The following AP3B1 variants were observed in gnomAD, a reference collection of about 807,000 sequenced individuals.
The protein encoded by AP3B1 is AP-3 complex subunit beta-1.
AP3B1 carries 61 observed loss-of-function variants against 132.5 expected under a neutral mutation model. That is an observed-to-expected ratio of 0.46 (90% CI 0.37 to 0.57). The LOEUF (loss-of-function observed/expected upper bound fraction) is 0.57, where lower values mean the gene tolerates loss of function less well. Ranked by LOEUF, AP3B1 falls within the 20% of genes least tolerant of loss-of-function variation. AP3B1 has a pLI of 0.00. For synonymous variants in AP3B1, 388 were observed against 438.3 expected (o/e 0.89, Z 1.43); for missense variants, 1,120 against 1,289.4 (o/e 0.87, Z 2.01).
intron 1 of AP3B1, among the ~76,000 whole-genome samples, chr5:78,279,141 T>A (rs549974207): frequency 2.7e-4 from 41 of 152,292 alleles, no homozygotes; most frequent in South Asian, 1.0e-3. Context: ...TTAATTTTTT[T>A]AAAAAATTTC....
chr5:78,236,364 AT>A (rs1348158554), intron 3 of AP3B1, among the ~76,000 whole-genome samples: 12 of 152,162 alleles, frequency 7.9e-5, no homozygotes, highest in South Asian at 4.1e-4. Context: ...AAGAAAAAAA[AT>A]ATGCCAATAC....
At chr5:78,030,603 A>G (rs909453831) in intron 24 of AP3B1, among the ~76,000 whole-genome samples, 1 of 152,112 alleles carries the variant, frequency 6.6e-6, no homozygotes, top group Non-Finnish European at 1.5e-5. Context: ...GATCTTTTTC[A>G]TAGTTTTTCA....
At chr5:78,157,747 G>A (rs574537684) in intron 13 of AP3B1, among the ~76,000 whole-genome samples, 1 of 149,214 alleles carries the variant, frequency 6.7e-6, no homozygotes, top group South Asian at 2.1e-4. Flanking sequence ...CATAATTTGT[G>A]TCCTATTACT....
At position 78,083,265 on chromosome 5, in the gene AP3B1, G is replaced by GACTC. The variant is rs753293048; in HGVS notation, c.2577+6127_2577+6128insGAGT. On this transcript the variant is annotated intron_variant, in intron 22 of 26. Transcript: ENST00000255194. Reference sequence around the variant, plus strand: ...AAAGGATGAGTCAAGGTTTCATGTTGATGTTTACCAGTTAAAGCAGAACAT... The same window carrying GACTC: ...AAAGGATGAGTCAAGGTTTCATGTTGACTCATGTTTACCAGTTAAAGCAGAACAT... Among the ~76,000 whole-genome samples the GACTC allele has an allele frequency of 4.6e-5, 7 of 152,276 alleles. No homozygotes were observed. In the South Asian group the frequency reaches 1.5e-3, roughly 32 times the overall value.
Position 78,020,787 on chromosome 5 carries a change from G to A in AP3B1, c.2897C>T (p.Thr966Ile), listed in dbSNP as rs369459422. Residue 966 changes from threonine to isoleucine, a missense_variant and splice_region_variant, in exon 25 of 27, where the codon ACC becomes ATC. Around this residue, in one of 3 missense-constraint regions of AP3B1, gnomAD observed 906 missense variants for 997.1 expected, o/e 0.91. Transcript: ENST00000255194. ...ATTAACATTGAAGCAATCATCCTTGGTACTGAAGAAAAACAATCAAAGCTG... is the reference window on the plus strand; with the variant it reads ...ATTAACATTGAAGCAATCATCCTTGATACTGAAGAAAAACAATCAAAGCTG... ...STQTASFQLC[T>I]KDDCFNVNIQ... is the part of the protein sequence containing the mutation. The A allele has an allele frequency of 6.2e-7, 1 of 1,609,272 alleles. No individual in the cohort carries two copies. Among genetic ancestry groups the A allele is most frequent in the African/African-American group, 1.3e-5 (1 of 74,762 alleles).
intron 17 of AP3B1, among the ~76,000 whole-genome samples, chr5:78,126,351 A>C (rs1254624139): frequency 6.6e-6 from 1 of 151,768 alleles, no homozygotes. Flanking sequence ...CTAAAAATAC[A>C]AAAATTAGCC....
Position 78,175,711 on chromosome 5 carries a change from A to G in AP3B1, c.1096-14T>C. On this transcript the variant is annotated splice_polypyrimidine_tract_variant and intron_variant, in intron 10 of 26. Transcript: ENST00000255194. ...TTCAAACATCCCCTGGATTACAAAA[A>G]TAAATACAAAAATACATTATGGTAC... 2.5e-6 allele frequency: 4 copies of G among 1,612,574 alleles called. No individual in the cohort carries two copies. Among genetic ancestry groups the G allele is most frequent in the Non-Finnish European group, 3.4e-6 (4 of 1,178,750 alleles).
In AP3B1 at chr5:78,079,497, T is replaced by C. The variant is rs1338716478; in HGVS notation, c.2577+9896A>G. Among the ~76,000 whole-genome samples the C allele has an allele frequency of 2.0e-5, 3 of 152,148 alleles. No individual in the cohort carries two copies. The East Asian group carries it at 5.8e-4, about 29-fold the overall frequency. ...ATGCAGTTCATTAATTAAATAATTC[T>C]AAGGAGTTTACCACATACGGTATAT... On this transcript the variant is annotated intron_variant, in intron 22 of 26. Coordinates refer to ENST00000255194, the MANE Select transcript of AP3B1 (RefSeq NM_003664.5).
chr5:78,179,645 C>T (rs1260157216), intron 8 of AP3B1, among the ~76,000 whole-genome samples: 3 of 152,190 alleles, frequency 2.0e-5, no homozygotes, highest in Non-Finnish European at 4.4e-5. Context: ...ATGCCGCTGT[C>T]ACCTTATTTA....
chr5:78,232,831 C>T (rs994470250), intron 3 of AP3B1, among the ~76,000 whole-genome samples: 8 of 152,038 alleles, frequency 5.3e-5, no homozygotes, highest in African/African-American at 9.6e-5. Context: ...CTCAGCCTCC[C>T]GAAAAGTTGG....
intron 25 of AP3B1, among the ~76,000 whole-genome samples, chr5:78,019,381 A>G (rs1008730072): frequency 6.6e-6 from 1 of 152,138 alleles, no homozygotes; most frequent in Non-Finnish European, 1.5e-5. Flanking sequence ...TGCTTCAGAT[A>G]TACTTTAGCT....
intron 1 of AP3B1, among the ~76,000 whole-genome samples, chr5:78,288,637 T>C (rs927982217): frequency 3.3e-5 from 5 of 152,176 alleles, no homozygotes; most frequent in African/African-American, 1.2e-4. Flanking sequence ...TTTAACAACA[T>C]TGGCTAATGA....
At chr5:78,240,606 G>A (rs1747087884) in intron 3 of AP3B1, among the ~76,000 whole-genome samples, 2 of 152,150 alleles carry the variant, frequency 1.3e-5, no homozygotes, top group Non-Finnish European at 2.9e-5. Flanking sequence ...CTAGGAACAG[G>A]TGAAAACTCG....
intron 7 of AP3B1, among the ~76,000 whole-genome samples, chr5:78,213,090 A>C (rs1007899149): frequency 6.6e-6 from 1 of 152,012 alleles, no homozygotes. Flanking sequence ...CGTGTTAGCC[A>C]GGATGGTCTT....
At chr5:78,219,691 T>C (rs1265942215) in intron 6 of AP3B1, among the ~76,000 whole-genome samples, 1 of 152,074 alleles carries the variant, frequency 6.6e-6, no homozygotes, top group Non-Finnish European at 1.5e-5. Context: ...AAAGCCATTC[T>C]ATTATATTTT....
intron 7 of AP3B1, among the ~76,000 whole-genome samples, chr5:78,207,026 G>A (rs989822653): frequency 6.6e-6 from 1 of 152,112 alleles, no homozygotes; most frequent in African/African-American, 2.4e-5. Flanking sequence ...GGGAGGCTGA[G>A]GCGGGTGGAT....
chr5:78,140,135 C>T (rs557394194), intron 15 of AP3B1, among the ~76,000 whole-genome samples: 1 of 152,108 alleles, frequency 6.6e-6, no homozygotes. Context: ...GGAAAAGTCC[C>T]TATTTCGTAC....
chr5:78,250,734 C>G (rs1039736787), intron 2 of AP3B1, among the ~76,000 whole-genome samples: 54 of 151,958 alleles, frequency 3.6e-4, no homozygotes, highest in African/African-American at 1.2e-3. Context: ...GGAAATATAT[C>G]TAACTCATAT....
At chr5:78,074,652 T>G (rs958819449) in intron 22 of AP3B1, among the ~76,000 whole-genome samples, 5 of 152,192 alleles carry the variant, frequency 3.3e-5, no homozygotes, top group African/African-American at 1.2e-4. Flanking sequence ...AAAAATTTTT[T>G]TAAAGATAGT....
Sources: allele counts gnomAD v4.1 joint callset (sites outside exome capture counted in the v4.1 genomes callset), GRCh38; gene constraint gnomAD v4.1.1; regional missense constraint gnomAD v4.1.1; transcripts MANE v1.5; gene names NCBI Gene and HGNC (gene_info 2026-07-23, HGNC 2026-07-21).